Variants in PCDH17 observed in about 807,000 individuals in gnomAD.
PCDH17 encodes the protein protocadherin-17.
A neutral mutation model predicts 67.7 loss-of-function variants in PCDH17; 21 were observed. That is an observed-to-expected ratio of 0.31 (90% CI 0.22 to 0.45). The LOEUF (loss-of-function observed/expected upper bound fraction) is 0.45. PCDH17 is among the 20% of genes least tolerant of loss of function. The pLI is 1.00. For synonymous variants in PCDH17, 701 were observed against 656.7 expected (o/e 1.07, Z -1.03); for missense variants, 1,471 against 1,564.8 (o/e 0.94, Z 1.01).
intron 3 of PCDH17, among the ~76,000 whole-genome samples, chr13:57,712,164 A>G (rs993454622): frequency 6.6e-6 from 1 of 151,756 alleles, no homozygotes; most frequent in Non-Finnish European, 1.5e-5. Flanking sequence ...GTCAAATCAA[A>G]TAGTTTAATT....
chr13:57,642,815 A>G (rs1265951573), intron 1 of PCDH17, among the ~76,000 whole-genome samples: 1 of 151,610 alleles, frequency 6.6e-6, no homozygotes, highest in Non-Finnish European at 1.5e-5. Flanking sequence ...TATTTATTGT[A>G]GGCAGAAATG....
chr13:57,673,502 C>A (rs9591823), intron 3 of PCDH17, among the ~76,000 whole-genome samples: 2 of 151,750 alleles, frequency 1.3e-5, no homozygotes, highest in African/African-American at 4.8e-5. Flanking sequence ...ACCACTTCCA[C>A]GTAACCAAGA....
At chr13:57,708,052 A>G (rs1308215580) in intron 3 of PCDH17, among the ~76,000 whole-genome samples, 1 of 151,886 alleles carries the variant, frequency 6.6e-6, no homozygotes, top group Non-Finnish European at 1.5e-5. Flanking sequence ...TTTTTCTTCA[A>G]CTTGGATGAG....
Position 57,634,597 on chromosome 13 carries a change from T to G in PCDH17, c.2051T>G (p.Val684Gly). ...SAVAKLIIRS[V>G]SGSLPEGVPR... ...GTGGCCAAGCTCATCATCCGCTCGGTGAGCGGATCCCTTCCCGAGGGGGTA... is the reference window on the plus strand; with the variant it reads ...GTGGCCAAGCTCATCATCCGCTCGGGGAGCGGATCCCTTCCCGAGGGGGTA... The change falls in exon 1 of 4, where the codon GTG becomes GGG. Residue 684 changes from valine to glycine, a missense_variant. Val to Gly is a moderately radical substitution (Grantham distance 109). Around this residue, in one of 3 missense-constraint regions of PCDH17, gnomAD observed 1,163 missense variants for 1,230.0 expected, o/e 0.95. Coordinates refer to ENST00000377918, the MANE Select transcript of PCDH17 (RefSeq NM_001040429.3). The surrounding 1 kb of genome is among the most constrained non-coding windows in gnomAD (Gnocchi z 7.8). 1 of 1,613,208 alleles carries G rather than the reference T, an allele frequency of 6.2e-7. No homozygotes were observed. Among genetic ancestry groups the G allele is most frequent in the South Asian group, 1.1e-5 (1 of 91,066 alleles).
chr13:57,725,390 A>G lies in PCDH17; in HGVS notation c.*96A>G. On this transcript the variant is annotated 3_prime_UTR_variant, in exon 4 of 4. Coordinates refer to ENST00000377918, the MANE Select transcript of PCDH17 (RefSeq NM_001040429.3). ...GATAACCCATTTTACAGGGATGAAGAAAGACCAATGCTGCTTTAAGGCTTT... is the reference window on the plus strand; with the variant it reads ...GATAACCCATTTTACAGGGATGAAGGAAGACCAATGCTGCTTTAAGGCTTT... 3 of 1,078,546 alleles carry G rather than the reference A, an allele frequency of 2.8e-6. No homozygotes were observed. Among genetic ancestry groups the G allele is most frequent in the Non-Finnish European group, 2.7e-6 (2 of 750,844 alleles). 66.8% of individuals were successfully genotyped at this position (1,078,546 alleles called of 1,614,324 possible).
At chr13:57,669,684 A>G (rs1955297298) in intron 3 of PCDH17, among the ~76,000 whole-genome samples, 1 of 152,102 alleles carries the variant, frequency 6.6e-6, no homozygotes, top group African/African-American at 2.4e-5. Flanking sequence ...TATCTTACAT[A>G]TAAAAAATAA....
chr13:57,695,825 TA>T (rs1323925994), intron 3 of PCDH17, among the ~76,000 whole-genome samples: 3 of 151,440 alleles, frequency 2.0e-5, no homozygotes, highest in Admixed American at 1.3e-4. Context: ...TCCATGTTAC[TA>T]AAAAACAAAT....
rs781782191 is a variant in PCDH17 at position 57,634,834 on chromosome 13, A to G, written c.2288A>G (p.Asn763Ser). 36 of 1,614,024 alleles carry G rather than the reference A, an allele frequency of 2.2e-5. No homozygotes were observed. The highest frequency in any genetic ancestry group is 2.9e-5 in the Non-Finnish European group (34 of 1,180,044). The change falls in exon 1 of 4, where the codon AAC (asparagine) becomes AGC (serine). Residue 763 changes from asparagine (N) to serine (S), a missense_variant. Transcript: ENST00000377918. This position sits in a 1 kb window ranked among gnomAD's most constrained non-coding sequence, Gnocchi z 7.8. ...GGCAAGGGCAAGAAGAAGAAGATCA[A>G]CAAAAATGATATCATGCTGGTGCAG... Reference protein sequence around the residue: ...GGGKGKKKKINKNDIMLVQSE... With the variant: ...GGGKGKKKKISKNDIMLVQSE...
At chr13:57,656,924 C>T (rs1253175041) in intron 1 of PCDH17, among the ~76,000 whole-genome samples, 3 of 152,036 alleles carry the variant, frequency 2.0e-5, no homozygotes, top group African/African-American at 7.2e-5. Context: ...CCCTGGGATT[C>T]GCAATACAGC....
intron 3 of PCDH17, among the ~76,000 whole-genome samples, chr13:57,686,987 A>G (rs1955513770): frequency 6.6e-6 from 1 of 152,028 alleles, no homozygotes; most frequent in Non-Finnish European, 1.5e-5. Flanking sequence ...AGTGAGCCCC[A>G]TCCTTTAAAT....
At position 57,675,466 on chromosome 13, in the gene PCDH17, A is replaced by G. The variant is rs1287443008; in HGVS notation, c.2797+8633A>G. 2.0e-5 allele frequency among the ~76,000 whole-genome samples: 3 copies of G among 152,112 alleles called. No homozygotes were observed. The East Asian group carries it at 5.8e-4, about 30-fold the overall frequency. On this transcript the variant is annotated intron_variant, in intron 3 of 3. Transcript: ENST00000377918. ...TCACACTGTCATAAGAGAATCTGAC[A>G]TATAAACTATGAGGTCAGTGCAGTA...
chr13:57,658,814 G>A (rs1351080541), intron 1 of PCDH17, among the ~76,000 whole-genome samples: 1 of 135,030 alleles, frequency 7.4e-6, no homozygotes, highest in African/African-American at 3.2e-5. Context: ...GATTCTTGCT[G>A]TGTCGCCCAG....
At chr13:57,650,567 T>C (rs1955024043) in intron 1 of PCDH17, among the ~76,000 whole-genome samples, 1 of 152,186 alleles carries the variant, frequency 6.6e-6, no homozygotes, top group Admixed American at 6.5e-5. Context: ...TATATTAAAA[T>C]AATTTCAAGT....
At chr13:57,667,608 A>G (rs1434283996) in intron 3 of PCDH17, among the ~76,000 whole-genome samples, 1 of 151,860 alleles carries the variant, frequency 6.6e-6, no homozygotes, top group Non-Finnish European at 1.5e-5. Flanking sequence ...ATATAGTAAC[A>G]GTCTTCAGAA....
chr13:57,652,164 C>G (rs374043178), intron 1 of PCDH17, among the ~76,000 whole-genome samples: 87 of 151,484 alleles, frequency 5.7e-4, no homozygotes, highest in Admixed American at 3.2e-3. Context: ...TGTAGTCCCA[C>G]CTACTCGGGA....
chr13:57,642,443 A>G (rs555102110), intron 1 of PCDH17, among the ~76,000 whole-genome samples: 1 of 151,846 alleles, frequency 6.6e-6, no homozygotes, highest in East Asian at 1.9e-4. Context: ...ATGACTTGAT[A>G]TTCTGAAAGA....
chr13:57,666,429 G>A (rs758635300), intron 1 of PCDH17, 39 bp from the exon 2 acceptor site: 1 of 1,513,286 alleles, frequency 6.6e-7, no homozygotes, highest in Non-Finnish European at 9.2e-7. Flanking sequence ...GATTTGTCCA[G>A]TGTACAACTA....
chr13:57,667,435 C>T (rs1239443286), intron 3 of PCDH17, among the ~76,000 whole-genome samples: 3 of 151,878 alleles, frequency 2.0e-5, no homozygotes, highest in Non-Finnish European at 4.4e-5. Context: ...ATTTATTCAT[C>T]TCATGACTTT....
chr13:57,684,687 C>A (rs1482450178), intron 3 of PCDH17, among the ~76,000 whole-genome samples: 1 of 151,818 alleles, frequency 6.6e-6, no homozygotes, highest in Non-Finnish European at 1.5e-5. Context: ...ATTTTTAAAG[C>A]CATGGGGCAA....
Sources: allele counts gnomAD v4.1 joint callset (sites outside exome capture counted in the v4.1 genomes callset), GRCh38; gene constraint gnomAD v4.1.1; regional missense constraint gnomAD v4.1.1; non-coding constraint Gnocchi (gnomAD v3.1); transcripts MANE v1.5; gene names NCBI Gene and HGNC (gene_info 2026-07-23, HGNC 2026-07-21).